The following MFF variants were observed in gnomAD, a reference collection of about 807,000 sequenced individuals.
The protein encoded by MFF is mitochondrial fission factor.
In MFF, 12 loss-of-function variants were observed where a neutral mutation model predicts 36.9. That is an observed-to-expected ratio of 0.33 (90% CI 0.21 to 0.53). The LOEUF (loss-of-function observed/expected upper bound fraction) is 0.53. Ranked by LOEUF, MFF falls within the 20% of genes least tolerant of loss-of-function variation. The pLI, the probability that MFF is intolerant of heterozygous loss-of-function variation, is 0.95. For synonymous variants in MFF, 99 were observed against 126.2 expected (o/e 0.78, Z 1.44); for missense variants, 348 against 366.6 (o/e 0.95, Z 0.42).
chr2:227,342,122 A>T (rs2075429379), intron 5 of MFF, among the ~76,000 whole-genome samples: 1 of 151,944 alleles, frequency 6.6e-6, no homozygotes, highest in Non-Finnish European at 1.5e-5. Context: ...ACATTTTCTA[A>T]ATTTTTAGTA....
chr2:227,340,728 G>A (rs976122800), intron 5 of MFF, among the ~76,000 whole-genome samples: 4 of 152,010 alleles, frequency 2.6e-5, no homozygotes, highest in Admixed American at 6.6e-5. Context: ...TCTCCCTTAC[G>A]ATTCATTGAA....
chr2:227,356,183 A>G (rs1279474515), intron 8 of MFF, among the ~76,000 whole-genome samples: 3 of 152,202 alleles, frequency 2.0e-5, no homozygotes, highest in East Asian at 3.9e-4. Flanking sequence ...GCAGTTGCAC[A>G]TGCATATTTT....
intron 6 of MFF, chr2:227,352,244 A>G (rs937507187): frequency 9.0e-6 from 3 of 332,624 alleles, no homozygotes; most frequent in Admixed American, 4.5e-5. Context: ...AAGCACCAAG[A>G]AAATTATTTT....
intron 4 of MFF, among the ~76,000 whole-genome samples, chr2:227,336,007 A>T (rs1252597551): frequency 6.6e-6 from 1 of 152,228 alleles, no homozygotes; most frequent in Non-Finnish European, 1.5e-5. Context: ...CCTACAGTAG[A>T]CTAGGCAGTG....
chr2:227,333,990 G>A (rs1024562216), intron 4 of MFF, among the ~76,000 whole-genome samples: 1 of 152,164 alleles, frequency 6.6e-6, no homozygotes, highest in African/African-American at 2.4e-5. Context: ...TGCATTAATT[G>A]TGATATTTAG....
intron 4 of MFF, among the ~76,000 whole-genome samples, chr2:227,337,193 C>G (rs2075068562): frequency 6.6e-6 from 1 of 152,252 alleles, no homozygotes; most frequent in Admixed American, 6.5e-5. Context: ...TTTTATGGCC[C>G]TCTTAGCACA....
intron 6 of MFF, among the ~76,000 whole-genome samples, chr2:227,348,920 C>T (rs2075848402): frequency 6.6e-6 from 1 of 151,992 alleles, no homozygotes; most frequent in African/African-American, 2.4e-5. Flanking sequence ...GTAGCTGGCA[C>T]TTAAGAGCTA....
rs1404995501 is a variant in MFF, at chr2:227,328,775, A to T, written c.-55A>T. On this transcript the variant is annotated 5_prime_UTR_variant, in exon 2 of 9. Coordinates refer to ENST00000304593, the MANE Select transcript of MFF (RefSeq NM_001277062.2). ...CAGATAGTGCCAAATAGCAAGCAGTAGTTGTTACACATTTGTGAGTAAAAA... is the reference window on the plus strand; with the variant it reads ...CAGATAGTGCCAAATAGCAAGCAGTTGTTGTTACACATTTGTGAGTAAAAA... The T allele has an allele frequency of 5.1e-6, 1 of 195,948 alleles. No homozygotes were observed. Among genetic ancestry groups the T allele is most frequent in the Non-Finnish European group, 1.1e-5 (1 of 89,540 alleles). The allele number at this position is 195,948 out of a possible 1,614,324, so 12.1% of individuals were successfully genotyped here.
intron 5 of MFF, among the ~76,000 whole-genome samples, chr2:227,343,628 C>T (rs950375963): frequency 6.6e-6 from 1 of 152,066 alleles, no homozygotes; most frequent in African/African-American, 2.4e-5. Flanking sequence ...AAGAGTGATA[C>T]CTCACCGAAG....
intron 5 of MFF, among the ~76,000 whole-genome samples, chr2:227,341,790 C>T (rs982010580): frequency 2.0e-5 from 3 of 152,020 alleles, no homozygotes; most frequent in African/African-American, 4.8e-5. Flanking sequence ...TTCTAGTAAG[C>T]TTTTCCACTT....
intron 1 of MFF, among the ~76,000 whole-genome samples, chr2:227,326,425 A>G (rs1171645099): frequency 6.6e-6 from 1 of 152,162 alleles, no homozygotes; most frequent in South Asian, 2.1e-4. Flanking sequence ...ATTTAGTTAT[A>G]CTTAGTAGTC....
At position 227,357,140 on chromosome 2, in the gene MFF, T is replaced by C; in HGVS notation, c.*23T>C. ...TAGAGGTAACATCAGCCCTCAAAAATACTGTCTCAACAGCTGGAAATATAA... is the reference window on the plus strand; with the variant it reads ...TAGAGGTAACATCAGCCCTCAAAAACACTGTCTCAACAGCTGGAAATATAA... On this transcript the variant is annotated 3_prime_UTR_variant, in exon 9 of 9. Coordinates refer to ENST00000304593, the MANE Select transcript of MFF (RefSeq NM_001277062.2). The C allele has an allele frequency of 6.2e-7, 1 of 1,607,618 alleles. No homozygotes were observed. The highest frequency in any genetic ancestry group is 8.5e-7 in the Non-Finnish European group (1 of 1,178,346).
At chr2:227,330,976 T>C in intron 3 of MFF, 130 bp downstream of exon 3, 2 of 715,288 alleles carry the variant, frequency 2.8e-6, no homozygotes, top group Non-Finnish European at 4.7e-6. Flanking sequence ...TTTTGAAATT[T>C]CTATTCATTA....
intron 4 of MFF, 91 bp from the exon 5 acceptor site, chr2:227,340,201 G>A (rs1314989654): frequency 3.9e-6 from 4 of 1,027,052 alleles, no homozygotes; most frequent in Non-Finnish European, 5.8e-6. Flanking sequence ...AGTTTTTTGA[G>A]TAGCCTTGTA....
intron 1 of MFF, among the ~76,000 whole-genome samples, chr2:227,325,968 C>T (rs904513337): frequency 1.3e-5 from 2 of 152,194 alleles, no homozygotes; most frequent in African/African-American, 2.4e-5. Context: ...CCACCCTGTC[C>T]GTCTGTGAGC....
intron 7 of MFF, among the ~76,000 whole-genome samples, chr2:227,353,221 T>C (rs1024828229): frequency 6.6e-6 from 1 of 152,218 alleles, no homozygotes; most frequent in Non-Finnish European, 1.5e-5. Context: ...TACAAATACA[T>C]GCAGTTCTTA....
chr2:227,335,462 T>C (rs1046885622), intron 4 of MFF, among the ~76,000 whole-genome samples: 3 of 152,188 alleles, frequency 2.0e-5, no homozygotes, highest in African/African-American at 4.8e-5. Flanking sequence ...GTGAGTGTAC[T>C]AAATGCCGCT....
In MFF at chr2:227,328,347, A is replaced by G. The variant is rs1219808529; in HGVS notation, c.-152-331A>G. On this transcript the variant is annotated intron_variant, in intron 1 of 8. Coordinates refer to ENST00000304593, the MANE Select transcript of MFF (RefSeq NM_001277062.2). ...CAATTCATTTGTTCTTCTTTAACATATATGTGTACCTATATGCATATATAT... is the reference window on the plus strand; with the variant it reads ...CAATTCATTTGTTCTTCTTTAACATGTATGTGTACCTATATGCATATATAT... Among the ~76,000 whole-genome samples, 7 of 148,892 alleles carry G rather than the reference A, an allele frequency of 4.7e-5. No individual in the cohort carries two copies. In the East Asian group the frequency reaches 6.0e-4, roughly 13 times the overall value.
rs1050195656 is a variant in MFF at position 227,338,425 on chromosome 2, C to T, written c.352-1867C>T. On this transcript the variant is annotated intron_variant, in intron 4 of 8. Coordinates refer to ENST00000304593, the MANE Select transcript of MFF (RefSeq NM_001277062.2). ...ACCTGGGATTACAGGTGTGAGCCAC[C>T]GTGCCCAACCAAAAACATCAATAAA... 3.3e-5 allele frequency among the ~76,000 whole-genome samples: 5 copies of T among 151,666 alleles called. No homozygotes were observed. In the South Asian group the frequency reaches 1.0e-3, roughly 32 times the overall value.
Sources: gnomAD v4.1 joint callset for allele counts (sites outside exome capture counted in the v4.1 genomes callset) on GRCh38, gnomAD v4.1.1 for gene constraint, MANE v1.5 for transcripts, NCBI Gene and HGNC (gene_info 2026-07-23, HGNC 2026-07-21) for gene names.